Variants in DTNA observed in about 807,000 individuals in gnomAD.
DTNA encodes dystrophin-related protein 3.
In DTNA, 43 loss-of-function variants were observed where a neutral mutation model predicts 100.7. The observed-to-expected ratio is 0.43, with a 90% confidence interval of 0.33 to 0.55. The LOEUF (loss-of-function observed/expected upper bound fraction) is 0.55. DTNA is among the 20% of genes least tolerant of loss of function. The pLI, the probability that DTNA is intolerant of heterozygous loss-of-function variation, is 0.04. For missense variants in DTNA, 798 were observed against 953.9 expected, an observed-to-expected ratio of 0.84 and a Z score of 2.15; for synonymous variants, 349 against 347.9, an observed-to-expected ratio of 1.00 and a Z score of -0.04.
At chr18:34,782,130 G>A (rs890277157) in intron 3 of DTNA, among the ~76,000 whole-genome samples, 10 of 152,224 alleles carry the variant, frequency 6.6e-5, no homozygotes, top group Non-Finnish European at 4.4e-5. Context: ...GTGTAATGCT[G>A]GGCATCCAGT....
rs545976094 is a variant in DTNA at position 34,717,348 on chromosome 18, C to T, written c.-2+6903C>T. Among the ~76,000 whole-genome samples the T allele has an allele frequency of 2.0e-5, 3 of 152,242 alleles. 1 individual carries two copies. The South Asian group carries it at 6.2e-4, about 32-fold the overall frequency. On this transcript the variant is annotated intron_variant, in intron 1 of 22. Coordinates refer to ENST00000444659, the MANE Select transcript of DTNA (RefSeq NM_001386795.1). The stretch of plus-strand genomic sequence containing the variant: ...ACAAATAGGGTCTTTTATTTAATAT[C>T]GGAGGTTAATTTCAAGCACCTCTGC...
At chr18:34,868,636 A>G (rs112386664) in intron 17 of DTNA, 19 of 985,308 alleles carry the variant, frequency 1.9e-5, no homozygotes, top group East Asian at 1.1e-4. Flanking sequence ...GTGTGGTTCA[A>G]TGTAGTGTTT....
At chr18:34,571,591 A>C (rs571306681) in intron 1 of DTNA, among the ~76,000 whole-genome samples, 16 of 152,256 alleles carry the variant, frequency 1.1e-4, no homozygotes, top group South Asian at 6.2e-4. Context: ...AACAAACAAA[A>C]AAAAAGAAAA....
At chr18:34,567,132 T>C (rs1319897999) in intron 1 of DTNA, among the ~76,000 whole-genome samples, 1 of 152,216 alleles carries the variant, frequency 6.6e-6, no homozygotes, top group African/African-American at 2.4e-5. Context: ...AATTTTTGAA[T>C]TAGTCACAAT....
At chr18:34,865,970 A>T (rs2096697738) in intron 17 of DTNA, 22 of 881,536 alleles carry the variant, frequency 2.5e-5, no homozygotes, top group Admixed American at 3.5e-5. Context: ...ACTTGGAGTG[A>T]TAGTCACTGA....
At chr18:34,816,511 T>C (rs2095601093) in intron 7 of DTNA, among the ~76,000 whole-genome samples, 1 of 152,222 alleles carries the variant, frequency 6.6e-6, no homozygotes, top group African/African-American at 2.4e-5. Context: ...AAAATAACTT[T>C]CGTATCATGT....
chr18:34,829,397 C>T lies in DTNA; in HGVS notation c.1086-3C>T, dbSNP rs1173973405. 1 of 1,535,166 alleles carries T rather than the reference C, an allele frequency of 6.5e-7. No individual in the cohort carries two copies. ...ATGAGGTCTCATTGTTTGACTCCCT[C>T]AGGTTACCTGAGGGAATAAGTGCAT... On this transcript the variant is annotated splice_region_variant and splice_polypyrimidine_tract_variant and intron_variant, in intron 10 of 22. Transcript: ENST00000444659.
chr18:34,597,982 A>G (rs1447151083), intron 1 of DTNA, among the ~76,000 whole-genome samples: 5 of 152,188 alleles, frequency 3.3e-5, no homozygotes, highest in African/African-American at 7.2e-5. Flanking sequence ...GAACCACTCA[A>G]AAAAATGTTT....
At chr18:34,698,038 G>A (rs1019589386) in intron 1 of DTNA, among the ~76,000 whole-genome samples, 54 of 152,082 alleles carry the variant, frequency 3.6e-4, no homozygotes, top group African/African-American at 1.2e-3. Context: ...CACACAATGC[G>A]TCATCTGCTT....
At chr18:34,716,533 G>A (rs1160209433) in intron 1 of DTNA, among the ~76,000 whole-genome samples, 2 of 152,126 alleles carry the variant, frequency 1.3e-5, no homozygotes, top group Admixed American at 1.3e-4. Flanking sequence ...ATTGTACTCC[G>A]GCCTGGGCAA....
At chr18:34,572,827 C>T (rs1048392268) in intron 1 of DTNA, among the ~76,000 whole-genome samples, 9 of 152,174 alleles carry the variant, frequency 5.9e-5, no homozygotes, top group Non-Finnish European at 1.3e-4. Flanking sequence ...GGTGGTTCAT[C>T]TGCTTTGGGA....
chr18:34,624,490 A>G (rs1452699132), intron 1 of DTNA, among the ~76,000 whole-genome samples: 1 of 152,240 alleles, frequency 6.6e-6, no homozygotes, highest in Non-Finnish European at 1.5e-5. Flanking sequence ...TTTTGAGTAA[A>G]CAAATTAGGA....
intron 1 of DTNA, among the ~76,000 whole-genome samples, chr18:34,528,846 C>G (rs1044757467): frequency 6.6e-6 from 1 of 152,036 alleles, no homozygotes; most frequent in South Asian, 2.1e-4. Context: ...ATAGTTGATA[C>G]CAGTAGCATA....
chr18:34,720,755 G>A (rs1420840443), intron 1 of DTNA, among the ~76,000 whole-genome samples: 1 of 152,160 alleles, frequency 6.6e-6, no homozygotes, highest in East Asian at 1.9e-4. Flanking sequence ...CTGATTCTGT[G>A]GTGTGGGAGC....
intron 1 of DTNA, among the ~76,000 whole-genome samples, chr18:34,521,060 TGAAA>T (rs1184117013): frequency 1.3e-5 from 2 of 152,234 alleles, no homozygotes; most frequent in African/African-American, 2.4e-5. Flanking sequence ...TATTTTCTGA[TGAAA>T]GAAGTCTCAA....
At chr18:34,882,535 A>T (rs2096883211) in intron 21 of DTNA, among the ~76,000 whole-genome samples, 1 of 151,754 alleles carries the variant, frequency 6.6e-6, no homozygotes, top group African/African-American at 2.4e-5. Context: ...CGCCCAGTTA[A>T]TTTTTGTATT....
chr18:34,572,318 T>C lies in DTNA; in HGVS notation c.-2+78804T>C, dbSNP rs185569412. 2.4e-4 allele frequency among the ~76,000 whole-genome samples: 36 copies of C among 152,290 alleles called. No homozygotes were observed. In the East Asian group the frequency reaches 6.6e-3, roughly 28 times the overall value. ...TTTCCACTGTTGTAGAAAATGTGTA[T>C]TAAATGAGAATACTCTGATTCATAT... On this transcript the variant is annotated intron_variant, in intron 1 of 19. Transcript: ENST00000283365.
rs145018215 is a variant in DTNA at position 34,880,318 on chromosome 18, A to C, written c.2162+599A>C. Among the ~76,000 whole-genome samples the C allele has an allele frequency of 5.4e-3, 830 of 152,346 alleles. 9 individuals are homozygous for C. The highest frequency in any genetic ancestry group is 0.019 in the African/African-American group (803 of 41,580). On this transcript the variant is annotated intron_variant, in intron 20 of 22. Coordinates refer to ENST00000444659, the MANE Select transcript of DTNA (RefSeq NM_001386795.1). ...CAGCAGCATCAGTAACGTCCCCACT[A>C]GACTTTCTGTGACCCTGGATCAGCT...
At chr18:34,771,564 A>G (rs981222817) in intron 3 of DTNA, among the ~76,000 whole-genome samples, 5 of 152,084 alleles carry the variant, frequency 3.3e-5, no homozygotes, top group Non-Finnish European at 7.4e-5. Context: ...TCCTTTCCAA[A>G]TCGCTTCTTC....
Sources: gnomAD v4.1 joint callset for allele counts (sites outside exome capture counted in the v4.1 genomes callset) on GRCh38, gnomAD v4.1.1 for gene constraint, MANE v1.5 for transcripts, NCBI Gene and HGNC (gene_info 2026-07-23, HGNC 2026-07-21) for gene names.